Variants in ZCWPW2 observed in about 807,000 individuals in gnomAD.
ZCWPW2 encodes the protein zinc finger CW-type and PWWP domain containing 2, also known as zinc finger CW-type PWWP domain protein 2.
A neutral mutation model predicts 46.6 loss-of-function variants in ZCWPW2; 45 were observed. The observed-to-expected ratio is 0.96, with a 90% confidence interval of 0.76 to 1.24. The LOEUF (loss-of-function observed/expected upper bound fraction) is 1.24, where lower values mean the gene tolerates loss of function less well. Among genes scored for constraint, ZCWPW2 ranks in the 50% most tolerant of loss-of-function variants. The pLI, the probability that ZCWPW2 is intolerant of heterozygous loss-of-function variation, is 0.00. For synonymous variants in ZCWPW2, 152 were observed against 137.1 expected (o/e 1.11, Z -0.76); for missense variants, 429 against 403.9 (o/e 1.06, Z -0.53).
intron 2 of ZCWPW2, among the ~76,000 whole-genome samples, chr3:28,409,006 A>G (rs967982254): frequency 6.6e-6 from 1 of 152,154 alleles, no homozygotes; most frequent in Non-Finnish European, 1.5e-5. Context: ...AGAATTAAAT[A>G]AATATTATTT....
intron 1 of ZCWPW2, among the ~76,000 whole-genome samples, chr3:28,387,122 T>A (rs1179543417): frequency 6.6e-6 from 1 of 152,196 alleles, no homozygotes; most frequent in Non-Finnish European, 1.5e-5. Flanking sequence ...TTACCCTATA[T>A]GCTGTTACTT....
At chr3:28,431,511 C>T (rs1178567676) in intron 3 of ZCWPW2, among the ~76,000 whole-genome samples, 1 of 151,982 alleles carries the variant, frequency 6.6e-6, no homozygotes, top group East Asian at 1.9e-4. Context: ...TATAAGGAGA[C>T]CAGTCATACT....
chr3:28,447,689 TCTAGCTTCCACGAACGTTGTCTAGAGGCA>T lies in ZCWPW2; in HGVS notation c.492+12423_492+12451del, dbSNP rs1698048573. 6.6e-6 allele frequency: 3 copies of T among 451,944 alleles called. No homozygotes were observed. The Admixed American group carries it at 7.8e-5, about 12-fold the overall frequency. 28.0% of individuals were successfully genotyped at this position (451,944 alleles called of 1,614,324 possible). A position where few individuals can be genotyped will look rare whatever the true frequency, so the allele number is the denominator to read the frequency against. ...GGCAAGAAAAAAGAAATAAAAGATATCTAGCTTCCACGAACGTTGTCTAGAGGCACTCAGAATGGTCCAGCATTTGACAT... is the reference window on the plus strand; with the variant it reads ...GGCAAGAAAAAAGAAATAAAAGATATCTCAGAATGGTCCAGCATTTGACAT... On this transcript the variant is annotated intron_variant, in intron 4 of 9. Coordinates refer to ENST00000383768, the MANE Select transcript of ZCWPW2 (RefSeq NM_001040432.4).
At position 28,408,394 on chromosome 3, in the gene ZCWPW2, C is replaced by T. The variant is rs570249919; in HGVS notation, c.-13-4662C>T. Among the ~76,000 whole-genome samples, 4 of 152,226 alleles carry T rather than the reference C, an allele frequency of 2.6e-5. No homozygotes were observed. The South Asian group carries it at 8.3e-4, about 32-fold the overall frequency. ...AGTGACAGTAATTACTTTCTTCTTT[C>T]TGTCATCTCTCTCATACTTCATTAT... On this transcript the variant is annotated intron_variant, in intron 2 of 9. Transcript: ENST00000383768.
chr3:28,514,064 A>G lies in ZCWPW2; in HGVS notation c.658A>G (p.Lys220Glu), dbSNP rs1304733332. Residue 220 changes from lysine to glutamate, a missense_variant and splice_region_variant, in exon 7 of 10, where the codon AAG becomes GAG. Physicochemically the swap from Lys to Glu is moderately conservative, Grantham distance 56 (BLOSUM62 1). Transcript: ENST00000383768. ...TCATATTTTTGTTTTTGTGTTATAG[A>G]AGCAGACTTCTAAAAATAATATTGA... The part of the protein sequence containing the change: ...DKVAALVKKR[K>E]QTSKNNIEKK... 1 of 1,509,758 alleles carries G rather than the reference A, an allele frequency of 6.6e-7. No individual in the cohort carries two copies. The highest frequency in any genetic ancestry group is 1.2e-5 in the South Asian group (1 of 84,578). The allele number at this position is 1,509,758 out of a possible 1,614,324, so 93.5% of individuals were successfully genotyped here.
chr3:28,412,911 G>A (rs1411051189), intron 2 of ZCWPW2, 145 bp from the exon 3 acceptor site: 1 of 566,400 alleles, frequency 1.8e-6, no homozygotes, highest in Non-Finnish European at 3.0e-6. Context: ...GAAACAACGT[G>A]TTCAACATAT....
chr3:28,438,538 CA>C (rs1235744245), intron 4 of ZCWPW2, among the ~76,000 whole-genome samples: 2 of 152,096 alleles, frequency 1.3e-5, no homozygotes, highest in African/African-American at 4.8e-5. Context: ...AAAACAATAA[CA>C]AAAACAGCAA....
At chr3:28,417,835 T>G (rs940630848) in intron 3 of ZCWPW2, among the ~76,000 whole-genome samples, 2 of 25,768 alleles carry the variant, frequency 7.8e-5, no homozygotes, top group South Asian at 1.2e-3. Context: ...CTAAAAACTC[T>G]CAATAAATTA....
chr3:28,432,410 A>G (rs148556893), intron 3 of ZCWPW2, among the ~76,000 whole-genome samples: 1 of 152,346 alleles, frequency 6.6e-6, no homozygotes, highest in Non-Finnish European at 1.5e-5. Context: ...AACACTTGAC[A>G]GCTGTACAGA....
intron 4 of ZCWPW2, among the ~76,000 whole-genome samples, chr3:28,439,473 G>A (rs1697658466): frequency 6.6e-6 from 1 of 151,896 alleles, no homozygotes; most frequent in African/African-American, 2.4e-5. Context: ...AATCTCCTTT[G>A]GCAACACCCT....
chr3:28,483,111 A>G (rs1490290310), intron 5 of ZCWPW2, among the ~76,000 whole-genome samples: 1 of 152,024 alleles, frequency 6.6e-6, no homozygotes, highest in Non-Finnish European at 1.5e-5. Context: ...ATCTTCTAGG[A>G]GTTTTATAAT....
chr3:28,435,476 T>C (rs972441675), intron 4 of ZCWPW2, among the ~76,000 whole-genome samples: 13 of 151,534 alleles, frequency 8.6e-5, no homozygotes, highest in Admixed American at 5.9e-4. Flanking sequence ...ATTTTATTTT[T>C]CTTTCTGTCT....
intron 1 of ZCWPW2, among the ~76,000 whole-genome samples, chr3:28,356,108 A>G (rs1704720046): frequency 6.6e-6 from 1 of 152,264 alleles, no homozygotes; most frequent in Non-Finnish European, 1.5e-5. Flanking sequence ...CTCATCTGAC[A>G]AAGGGCTAAT....
Position 28,413,404 on chromosome 3 carries a change from A to C in ZCWPW2, c.332+4A>C. ...TAAAATTACAGAATTGGCCAAGGTA[A>C]GGTTTGTGTAGTTTTATGACTTTTG... On this transcript the variant is annotated splice_donor_region_variant and intron_variant, in intron 3 of 9. Transcript: ENST00000383768. 6.3e-7 allele frequency: 1 copy of C among 1,594,484 alleles called. No homozygotes were observed. The highest frequency in any genetic ancestry group is 8.6e-7 in the Non-Finnish European group (1 of 1,167,816).
chr3:28,452,004 C>T (rs1698242368), intron 4 of ZCWPW2, among the ~76,000 whole-genome samples: 1 of 152,072 alleles, frequency 6.6e-6, no homozygotes, highest in Non-Finnish European at 1.5e-5. Context: ...TGTTTGTTTT[C>T]TAAACATCAT....
At chr3:28,381,346 C>T (rs1217417601) in intron 1 of ZCWPW2, among the ~76,000 whole-genome samples, 1 of 151,260 alleles carries the variant, frequency 6.6e-6, no homozygotes, top group Non-Finnish European at 1.5e-5. Context: ...TTACAATAAA[C>T]CTAGAAAAAA....
intron 1 of ZCWPW2, among the ~76,000 whole-genome samples, chr3:28,362,938 A>T (rs1425493121): frequency 6.6e-6 from 1 of 152,094 alleles, no homozygotes; most frequent in African/African-American, 2.4e-5. Context: ...GGAGGCCATT[A>T]TCCTTAGCAA....
At chr3:28,484,447 T>C (rs1699527680) in intron 5 of ZCWPW2, among the ~76,000 whole-genome samples, 1 of 152,206 alleles carries the variant, frequency 6.6e-6, no homozygotes, top group South Asian at 2.1e-4. Context: ...ATTGATTCAA[T>C]TTCTTTAATA....
chr3:28,487,687 C>A (rs1187077612), intron 5 of ZCWPW2, among the ~76,000 whole-genome samples: 1 of 152,030 alleles, frequency 6.6e-6, no homozygotes, highest in Non-Finnish European at 1.5e-5. Flanking sequence ...GAAAGGTGGG[C>A]ATGATGTTCT....
Sources: allele counts gnomAD v4.1 joint callset (sites outside exome capture counted in the v4.1 genomes callset), GRCh38; gene constraint gnomAD v4.1.1; transcripts MANE v1.5; gene names NCBI Gene and HGNC (gene_info 2026-07-23, HGNC 2026-07-21).